NTRK3: variants seen among roughly 807,000 people sequenced by gnomAD.
NTRK3 encodes the protein neurotrophic receptor tyrosine kinase 3.
Under a neutral mutation model 91.7 loss-of-function variants are expected in NTRK3, and 24 were observed. The observed-to-expected ratio is 0.26, with a 90% CI of 0.19 to 0.37. The LOEUF is 0.37. Ranked by LOEUF, NTRK3 falls within the 10% of genes least tolerant of loss-of-function variation. NTRK3 has a pLI of 1.00. For missense variants in NTRK3, 880 were observed against 1,068.9 expected (o/e 0.82, Z 2.46); for synonymous variants, 483 against 404.0 (o/e 1.20, Z -2.34).
At position 88,243,563 on chromosome 15, in the gene NTRK3, C is replaced by T. The variant is rs56367423; in HGVS notation, c.248+12343G>A. On this transcript the variant is annotated intron_variant, in intron 3 of 18. Transcript: ENST00000394480. This position sits in a 1 kb window ranked among gnomAD's most constrained non-coding sequence, Gnocchi z 4.8. ...ACACACACACACACACACACACACA[C>T]ACACACACACACACTGAGCAAAAGG... Among the ~76,000 whole-genome samples the T allele has an allele frequency of 1.5e-5, 1 of 66,298 alleles. No homozygotes were observed. Among genetic ancestry groups the T allele is most frequent in the Non-Finnish European group, 4.0e-5 (1 of 25,122 alleles). 43.5% of individuals were successfully genotyped at this position (66,298 alleles called of 152,430 possible). A position where few individuals can be genotyped will look rare whatever the true frequency, so the allele number is the denominator to read the frequency against.
rs184813929 is a variant in NTRK3, at chr15:88,104,380, C to T, written c.1396+21891G>A. ...GAAGATGCACATTTCCTTAGAACAACGTTTATCTTTCCGACTGTAACCTGA... is the reference window on the plus strand; with the variant it reads ...GAAGATGCACATTTCCTTAGAACAATGTTTATCTTTCCGACTGTAACCTGA... On this transcript the variant is annotated intron_variant, in intron 13 of 18. Coordinates refer to ENST00000394480, the Ensembl canonical transcript of NTRK3. 1.1e-3 allele frequency among the ~76,000 whole-genome samples: 173 copies of T among 152,318 alleles called. 1 individual carries two copies. Among genetic ancestry groups the T allele is most frequent in the Middle Eastern group, 3.4e-3 (1 of 294 alleles).
intron 5 of NTRK3, among the ~76,000 whole-genome samples, chr15:88,161,403 G>A (rs1200865005): frequency 6.6e-6 from 1 of 152,142 alleles, no homozygotes; most frequent in African/African-American, 2.4e-5. Flanking sequence ...TACGTTACTA[G>A]GGCCCTGTCT....
At chr15:87,929,459 G>A (rs1029286633) in intron 16 of NTRK3, 25 bp from the exon 17 acceptor site, 5 of 1,612,450 alleles carry the variant, frequency 3.1e-6, no homozygotes, top group South Asian at 2.2e-5. Context: ...GGAGAAGAGA[G>A]GGGGCAGAGA....
chr15:87,944,880 G>C (rs1415445900), intron 14 of NTRK3, among the ~76,000 whole-genome samples: 1 of 152,226 alleles, frequency 6.6e-6, no homozygotes, highest in African/African-American at 2.4e-5. Context: ...TGACGTCCAC[G>C]CGTCTATTTG....
At chr15:88,009,929 C>T (rs1054953617) in intron 14 of NTRK3, among the ~76,000 whole-genome samples, 50 of 152,160 alleles carry the variant, frequency 3.3e-4, no homozygotes, top group African/African-American at 7.7e-4. Flanking sequence ...TTCCTTTGTC[C>T]TCAGATCCAC....
At chr15:88,021,388 A>G (rs1016904910) in intron 14 of NTRK3, among the ~76,000 whole-genome samples, 2 of 152,178 alleles carry the variant, frequency 1.3e-5, no homozygotes, top group African/African-American at 4.8e-5. Context: ...AATGGGATCC[A>G]TTGAAACATC....
At chr15:87,864,608 G>A in exon 19 of NTRK3, 1 of 230,664 alleles carries the variant, frequency 4.3e-6, no homozygotes, top group Non-Finnish European at 8.6e-6. Context: ...AATAAATTAT[G>A]AAACTTCACC....
chr15:87,886,471 A>G (rs1476877039), intron 17 of NTRK3, among the ~76,000 whole-genome samples: 1 of 150,836 alleles, frequency 6.6e-6, no homozygotes, highest in African/African-American at 2.5e-5. Context: ...TATATCTAAG[A>G]TATATTAAGT....
intron 14 of NTRK3, among the ~76,000 whole-genome samples, chr15:87,961,685 G>A (rs2072308744): frequency 6.6e-6 from 1 of 152,238 alleles, no homozygotes; most frequent in Non-Finnish European, 1.5e-5. Context: ...CCTGCTTTCT[G>A]AGCTGCAGCA....
chr15:88,073,238 G>A (rs142858305), intron 13 of NTRK3, among the ~76,000 whole-genome samples: 219 of 152,308 alleles, frequency 1.4e-3, no homozygotes, highest in African/African-American at 4.7e-3. Flanking sequence ...TGGGGCAGGG[G>A]CCCAGCGATC....
At chr15:88,023,666 C>A (rs1030255435) in intron 14 of NTRK3, among the ~76,000 whole-genome samples, 2 of 152,194 alleles carry the variant, frequency 1.3e-5, no homozygotes, top group Non-Finnish European at 2.9e-5. Flanking sequence ...CATGTCACAT[C>A]TAGCAGAGCC....
intron 13 of NTRK3, among the ~76,000 whole-genome samples, chr15:88,073,144 C>T (rs1020590757): frequency 6.6e-6 from 1 of 152,160 alleles, no homozygotes; most frequent in East Asian, 1.9e-4. Flanking sequence ...GTTCTCAGAC[C>T]AGCAGCATCA....
At chr15:87,875,388 G>A (rs1395615967) in exon 19 of NTRK3, 2 of 231,492 alleles carry the variant, frequency 8.6e-6, no homozygotes, top group Non-Finnish European at 1.7e-5. Flanking sequence ...ACTGTGGTAT[G>A]TGGCAGCAGC....
At chr15:88,173,554 C>T (rs1278030030) in intron 5 of NTRK3, among the ~76,000 whole-genome samples, 1 of 152,266 alleles carries the variant, frequency 6.6e-6, no homozygotes, top group Admixed American at 6.5e-5. Context: ...GTTAATGGCC[C>T]TCCCCAGTGC....
intron 13 of NTRK3, among the ~76,000 whole-genome samples, chr15:88,125,983 A>G (rs2053244857): frequency 6.6e-6 from 1 of 152,190 alleles, no homozygotes; most frequent in African/African-American, 2.4e-5. Context: ...CCTGAAATCC[A>G]ACTTCCTTTC....
At chr15:88,230,036 C>T (rs767665862) in intron 3 of NTRK3, among the ~76,000 whole-genome samples, 24 of 152,316 alleles carry the variant, frequency 1.6e-4, no homozygotes, top group Non-Finnish European at 3.2e-4. Flanking sequence ...GGGGTGTGAG[C>T]GTGTGCTCTG....
intron 6 of NTRK3, among the ~76,000 whole-genome samples, chr15:88,140,220 G>A (rs1220814908): frequency 6.6e-6 from 1 of 152,174 alleles, no homozygotes; most frequent in Non-Finnish European, 1.5e-5. Context: ...TAGTGTATAG[G>A]ATAAGCTGGA....
At chr15:87,926,373 T>A (rs1055385436) in intron 17 of NTRK3, among the ~76,000 whole-genome samples, 7 of 152,228 alleles carry the variant, frequency 4.6e-5, no homozygotes, top group Non-Finnish European at 7.3e-5. Flanking sequence ...TTTCCAATGG[T>A]GTGCTGTGTA....
chr15:88,020,401 G>A (rs1029380399), intron 14 of NTRK3, among the ~76,000 whole-genome samples: 5 of 152,100 alleles, frequency 3.3e-5, no homozygotes, highest in East Asian at 1.9e-4. Context: ...CTGTGGAGCC[G>A]GGTGATAAAA....
Sources: gnomAD v4.1 joint callset for allele counts (sites outside exome capture counted in the v4.1 genomes callset) on GRCh38, gnomAD v4.1.1 for gene constraint, Gnocchi (gnomAD v3.1) non-coding constraint, MANE v1.5 for transcripts, NCBI Gene and HGNC (gene_info 2026-07-23, HGNC 2026-07-21) for gene names.